The following DNAJB4 variants were observed in gnomAD, a reference collection of about 807,000 sequenced individuals.
DNAJB4 encodes the protein DnaJ heat shock protein family (Hsp40) member B4.
DNAJB4 carries 10 observed loss-of-function variants against 26.6 expected under a neutral mutation model. That is an observed-to-expected ratio of 0.38 (90% CI 0.23 to 0.64). DNAJB4 has a LOEUF of 0.64. DNAJB4 is among the 30% of genes least tolerant of loss of function. The probability of loss-of-function intolerance (pLI) is 0.58; values close to 1 mark genes in which losing one functional copy is unlikely to be tolerated. For missense variants in DNAJB4, 328 were observed against 408.2 expected, an observed-to-expected ratio of 0.80 and a Z score of 1.69; for synonymous variants, 136 against 134.8, an observed-to-expected ratio of 1.01 and a Z score of -0.06.
intron 1 of DNAJB4, among the ~76,000 whole-genome samples, chr1:77,982,089 GTTC>G (rs1463760912): frequency 6.6e-6 from 1 of 152,156 alleles, no homozygotes; most frequent in Non-Finnish European, 1.5e-5. Context: ...TTATCATCCG[GTTC>G]TTAAGTGAGT....
At chr1:77,996,646 C>T (rs1043137403) in intron 1 of DNAJB4, among the ~76,000 whole-genome samples, 3 of 151,862 alleles carry the variant, frequency 2.0e-5, no homozygotes, top group Non-Finnish European at 2.9e-5. Flanking sequence ...TATAGTGCTT[C>T]GGGGAAAGTA....
rs550542558 is a variant in DNAJB4 at position 78,013,442 on chromosome 1, C to T, written c.603C>T (p.Thr201=). ...ACAGATCTGAGGACAAAATTCTTAC[C>T]ATTGAGATTAAAAAAGGGTGGAAAG... is the stretch of plus-strand genomic sequence containing the variant. ...RSYRSEDKIL[T]IEIKKGWKEG... Residue 201 remains threonine, a synonymous_variant, in exon 2 of 3, where the codon ACC becomes ACT. Coordinates refer to ENST00000370763, the MANE Select transcript of DNAJB4 (RefSeq NM_007034.5). 3 of 1,614,044 alleles carry T rather than the reference C, an allele frequency of 1.9e-6. No homozygotes were observed. The highest frequency in any genetic ancestry group is 8.5e-7 in the Non-Finnish European group (1 of 1,180,008).
chr1:78,015,550 C>CTTTTTTTTT (rs766899519), intron 2 of DNAJB4, among the ~76,000 whole-genome samples: 1 of 57,810 alleles, frequency 1.7e-5, no homozygotes, highest in African/African-American at 5.9e-5. Flanking sequence ...TTTCTTTCTT[C>CTTTTTTTTT]TTTTTTTTTT....
upstream of DNAJB4, among the ~76,000 whole-genome samples, chr1:78,003,745 C>A (rs551327409): frequency 1.3e-5 from 2 of 152,014 alleles, no homozygotes; most frequent in Admixed American, 1.3e-4. Context: ...CTCATAAATA[C>A]CTGAAATATG....
At chr1:78,010,646 C>G (rs1660443290) in intron 1 of DNAJB4, among the ~76,000 whole-genome samples, 1 of 152,100 alleles carries the variant, frequency 6.6e-6, no homozygotes, top group Non-Finnish European at 1.5e-5. Flanking sequence ...TCACTTGAGA[C>G]CCTGTTAGAT....
rs748833515 is a variant in DNAJB4 at position 78,016,160 on chromosome 1, C to A, written c.927C>A (p.Asp309Glu). ...CAAAAAATCCTGACCAACGTGGTGA[C>A]CTTCTAATAGAATTTGAGGTGTCCT... ...PFPKNPDQRG[D>E]LLIEFEVSFP... The change falls in exon 3 of 3, where the codon GAC becomes GAA. Residue 309 changes from aspartate to glutamate, a missense_variant. Asp to Glu is a conservative substitution (Grantham distance 45). Transcript: ENST00000370763. 2 of 1,614,108 alleles carry A rather than the reference C, an allele frequency of 1.2e-6. No individual in the cohort carries two copies. Among genetic ancestry groups the A allele is most frequent in the Admixed American group, 1.7e-5 (1 of 60,016 alleles).
intron 1 of DNAJB4, among the ~76,000 whole-genome samples, chr1:77,985,254 TTTTGTTGTTTTTTAGTGGAA>T (rs1659764599): frequency 6.6e-6 from 1 of 152,134 alleles, no homozygotes; most frequent in South Asian, 2.1e-4. Flanking sequence ...GGTATAACAA[TTTTGTTGTTTTTTAGTGGAA>T]CCTTGCTTCT....
At chr1:77,981,841 GTATT>G (rs1659655598) in intron 1 of DNAJB4, among the ~76,000 whole-genome samples, 1 of 152,122 alleles carries the variant, frequency 6.6e-6, no homozygotes, top group African/African-American at 2.4e-5. Context: ...TATTAATGGA[GTATT>G]TGTTTGGTCA....
intron 1 of DNAJB4, among the ~76,000 whole-genome samples, chr1:78,010,421 GTTATAA>G (rs1437737725): frequency 3.3e-5 from 5 of 151,758 alleles, no homozygotes; most frequent in Admixed American, 6.6e-5. Context: ...AACATTTGGA[GTTATAA>G]TTATACTACT....
intron 1 of DNAJB4, among the ~76,000 whole-genome samples, chr1:77,992,278 TGGC>T (rs1300949651): frequency 4.0e-5 from 6 of 150,118 alleles, no homozygotes; most frequent in African/African-American, 1.5e-4. Context: ...CCGGGCGTAG[TGGC>T]GGGCACCTGT....
At chr1:77,992,128 A>C (rs1659943985) in intron 1 of DNAJB4, among the ~76,000 whole-genome samples, 1 of 152,214 alleles carries the variant, frequency 6.6e-6, no homozygotes. Context: ...AACATAACAA[A>C]TGAGGCCGGG....
At chr1:78,002,017 T>C (rs1660205166), upstream of DNAJB4, among the ~76,000 whole-genome samples, 2 of 152,220 alleles carry the variant, frequency 1.3e-5, no homozygotes, top group African/African-American at 4.8e-5. Flanking sequence ...TTTGTTCTCT[T>C]CAAACTTTCC....
chr1:78,013,331 T>TA lies in DNAJB4; in HGVS notation c.493dup (p.Arg165LysfsTer5), dbSNP rs781684325. On this transcript the variant is annotated frameshift_variant, in exon 2 of 3. Coordinates refer to ENST00000370763, the MANE Select transcript of DNAJB4 (RefSeq NM_007034.5). LOFTEE classifies it high-confidence loss of function. ...AAGATCCTCCAGTTATTCATGAACT[T>TA]AGAGTATCACTTGAAGAGATATATA... 1.9e-6 allele frequency: 3 copies of TA among 1,614,172 alleles called. No homozygotes were observed. Among genetic ancestry groups the TA allele is most frequent in the Non-Finnish European group, 2.5e-6 (3 of 1,180,034 alleles).
intron 1 of DNAJB4, among the ~76,000 whole-genome samples, chr1:78,012,641 C>G (rs1660518776): frequency 6.6e-6 from 1 of 151,996 alleles, no homozygotes; most frequent in South Asian, 2.1e-4. Flanking sequence ...GAAACCTCGT[C>G]TCTACTAAAA....
chr1:77,981,805 T>A (rs1156834903), intron 1 of DNAJB4, among the ~76,000 whole-genome samples: 1 of 152,232 alleles, frequency 6.6e-6, no homozygotes, highest in African/African-American at 2.4e-5. Context: ...ACATCTTTAG[T>A]GTATTATACA....
chr1:77,995,460 T>A (rs1175107513), intron 1 of DNAJB4, among the ~76,000 whole-genome samples: 1 of 152,136 alleles, frequency 6.6e-6, no homozygotes, highest in Non-Finnish European at 1.5e-5. Flanking sequence ...ATACAGTGTT[T>A]TTGGTTTTGA....
Position 78,005,239 on chromosome 1 carries a change from A to C in DNAJB4, c.129A>C (p.Glu43Asp). ...AGAACAAATCTCCTCAGGCAGAGGA[A>C]AAATTTAAAGAGGTCGCAGAAGCTT... ...PDKNKSPQAE[E>D]KFKEVAEAYE... Residue 43 changes from glutamate to aspartate, a missense_variant, in exon 1 of 3, where the codon GAA becomes GAC. By Grantham distance (45) the Glu-to-Asp change is conservative (BLOSUM62 2). Coordinates refer to ENST00000370763, the MANE Select transcript of DNAJB4 (RefSeq NM_007034.5). 1 of 1,614,118 alleles carries C rather than the reference A, an allele frequency of 6.2e-7. No individual in the cohort carries two copies. Among genetic ancestry groups the C allele is most frequent in the South Asian group, 1.1e-5 (1 of 91,084 alleles).
intron 1 of DNAJB4, among the ~76,000 whole-genome samples, chr1:78,011,003 T>C (rs1363206538): frequency 6.6e-6 from 1 of 152,180 alleles, no homozygotes; most frequent in East Asian, 1.9e-4. Flanking sequence ...TTTGGAGATA[T>C]TAGAATCTCC....
chr1:78,016,150 A>G lies in DNAJB4; in HGVS notation c.917A>G (p.Gln306Arg). ...YGLPFPKNPD[Q>R]RGDLLIEFEV... is the part of the protein sequence containing the mutation. ...CTGCCATTTCCAAAAAATCCTGACC[A>G]ACGTGGTGACCTTCTAATAGAATTT... is the stretch of plus-strand genomic sequence containing the variant. The change falls in exon 3 of 3, where the codon CAA becomes CGA. Residue 306 changes from glutamine (Q) to arginine (R), a missense_variant. By Grantham distance (43) the Gln-to-Arg change is conservative. Transcript: ENST00000370763. 6.2e-7 allele frequency: 1 copy of G among 1,614,176 alleles called. No individual in the cohort carries two copies.
Sources: allele counts gnomAD v4.1 joint callset (sites outside exome capture counted in the v4.1 genomes callset), GRCh38; gene constraint gnomAD v4.1.1; transcripts MANE v1.5; gene names NCBI Gene and HGNC (gene_info 2026-07-23, HGNC 2026-07-21).